The following RYR2 variants were observed in gnomAD, a reference collection of about 807,000 sequenced individuals.
The protein encoded by RYR2 is ryanodine receptor 2, also known as cardiac muscle ryanodine receptor-calcium release channel.
In RYR2, 227 loss-of-function variants were observed where a neutral mutation model predicts 601.1. That is an observed-to-expected ratio of 0.38 (90% confidence interval 0.34 to 0.42). The LOEUF (loss-of-function observed/expected upper bound fraction) is 0.42. RYR2 is among the 10% of genes least tolerant of loss of function. The probability of loss-of-function intolerance (pLI) is 1.00; values close to 1 mark genes in which losing one functional copy is unlikely to be tolerated. For synonymous variants in RYR2, 2,223 were observed against 2,175.1 expected (o/e 1.02, Z -0.61); for missense variants, 4,646 against 6,156.5 (o/e 0.75, Z 8.21).
intron 1 of RYR2, among the ~76,000 whole-genome samples, chr1:237,140,230 G>T (rs545561699): frequency 6.6e-6 from 1 of 152,236 alleles, no homozygotes; most frequent in South Asian, 2.1e-4. Flanking sequence ...TTGAATATCT[G>T]TTTATCAGCT....
At chr1:237,555,067 A>G (rs1670753313) in intron 27 of RYR2, 1 of 152,078 alleles carries the variant, frequency 6.6e-6, no homozygotes, top group African/African-American at 2.4e-5. Flanking sequence ...AAAGCATGGC[A>G]TTATTGAGTA....
intron 1 of RYR2, among the ~76,000 whole-genome samples, chr1:237,151,996 C>T (rs964768477): frequency 1.3e-5 from 2 of 152,034 alleles, no homozygotes; most frequent in Admixed American, 6.6e-5. Context: ...TGCCCTGATG[C>T]TCTCTCTCCT....
chr1:237,065,146 G>A lies in RYR2; in HGVS notation c.48+22577G>A, dbSNP rs546730781. Among the ~76,000 whole-genome samples, 5 of 152,014 alleles carry A rather than the reference G, an allele frequency of 3.3e-5. No homozygotes were observed. In the South Asian group the frequency reaches 1.0e-3, roughly 32 times the overall value. On this transcript the variant is annotated intron_variant, in intron 1 of 104. Coordinates refer to ENST00000366574, the MANE Select transcript of RYR2 (RefSeq NM_001035.3). ...TATAGTACAATATTAAAAGCAGAAA[G>A]TTAGCATTGCTATAAAGCGTGTATA...
chr1:237,284,837 G>C (rs1337777236), intron 2 of RYR2, among the ~76,000 whole-genome samples: 1 of 151,834 alleles, frequency 6.6e-6, no homozygotes, highest in Non-Finnish European at 1.5e-5. Flanking sequence ...CTTGGTTGCT[G>C]TTGGTGTATA....
intron 2 of RYR2, among the ~76,000 whole-genome samples, chr1:237,293,660 A>T (rs1003327370): frequency 3.3e-5 from 5 of 152,206 alleles, no homozygotes; most frequent in African/African-American, 4.8e-5. Flanking sequence ...CCTATTTATT[A>T]TAAAGGATAG....
At position 237,784,687 on chromosome 1, in the gene RYR2, C is replaced by G. The variant is rs1323310654; in HGVS notation, c.12975C>G (p.Ile4325Met). 2 of 1,611,054 alleles carry G rather than the reference C, an allele frequency of 1.2e-6. No individual in the cohort carries two copies. The highest frequency in any genetic ancestry group is 2.2e-5 in the South Asian group (2 of 90,960). The change falls in exon 90 of 105, where the codon ATC (isoleucine) becomes ATG (methionine). Residue 4325 changes from isoleucine to methionine, a missense_variant. Ile to Met is a conservative substitution (Grantham distance 10). This residue lies in a region of RYR2 where 364 missense variants were observed against 442.9 expected (regional missense o/e 0.82). Coordinates refer to ENST00000366574, the MANE Select transcript of RYR2 (RefSeq NM_001035.3). The surrounding 1 kb of genome is among the most constrained non-coding windows in gnomAD (Gnocchi z 7.1). ...GGSLVEGAKK[I>M]KVAELLANMP... Reference sequence around the variant, plus strand: ...GCCTCGTCGAAGGTGCTAAAAAGATCAAAGTTGCAGAACTGTTAGCCAACA... The same window carrying G: ...GCCTCGTCGAAGGTGCTAAAAAGATGAAAGTTGCAGAACTGTTAGCCAACA...
intron 8 of RYR2, among the ~76,000 whole-genome samples, chr1:237,386,670 T>A (rs1701978857): frequency 6.6e-6 from 1 of 152,246 alleles, no homozygotes; most frequent in Admixed American, 6.5e-5. Context: ...AAGTATGTTT[T>A]ATTTTAATGT....
At chr1:237,530,107 C>T (rs570042122) in intron 24 of RYR2, among the ~76,000 whole-genome samples, 8 of 151,998 alleles carry the variant, frequency 5.3e-5, no homozygotes, top group South Asian at 4.2e-4. Flanking sequence ...GTCAGGAGAT[C>T]GAGACCATCC....
In RYR2 at chr1:237,786,156, T is replaced by C. The variant is rs2275690; in HGVS notation, c.13328+120T>C. 0.057 allele frequency: 38,217 copies of C among 676,066 alleles called. 1,305 individuals are homozygous for C. Among genetic ancestry groups the C allele is most frequent in the Non-Finnish European group, 0.068 (26,791 of 392,904 alleles). 41.9% of individuals were successfully genotyped at this position (676,066 alleles called of 1,614,324 possible). A position where few individuals can be genotyped will look rare whatever the true frequency, so the allele number is the denominator to read the frequency against. On this transcript the variant is annotated intron_variant, in intron 91 of 104. Coordinates refer to ENST00000366574, the MANE Select transcript of RYR2 (RefSeq NM_001035.3). ...TCATATTGTCAAGGAGCCACAGAACTAATTGTGCCATCTCCGTGGAGAGGC... is the reference window on the plus strand; with the variant it reads ...TCATATTGTCAAGGAGCCACAGAACCAATTGTGCCATCTCCGTGGAGAGGC...
At chr1:237,770,758 G>T in intron 84 of RYR2, 49 bp from the exon 85 acceptor site, 1 of 1,196,404 alleles carries the variant, frequency 8.4e-7, no homozygotes, top group South Asian at 1.3e-5. Context: ...GAAAGGGAGC[G>T]GCAGGCTGGG....
intron 50 of RYR2, among the ~76,000 whole-genome samples, 153 bp from the exon 51 acceptor site, chr1:237,651,258 A>C (rs994539943): frequency 2.0e-5 from 3 of 152,218 alleles, no homozygotes; most frequent in African/African-American, 7.2e-5. Context: ...AAAGTAACTA[A>C]GTGGTTAATC....
chr1:237,619,879 G>A (rs1277093910), intron 38 of RYR2, among the ~76,000 whole-genome samples: 1 of 152,046 alleles, frequency 6.6e-6, no homozygotes, highest in East Asian at 1.9e-4. Context: ...GGAACGAAGG[G>A]GAAATCAAGA....
At chr1:237,709,809 A>G (rs1375147359) in intron 70 of RYR2, among the ~76,000 whole-genome samples, 2 of 152,222 alleles carry the variant, frequency 1.3e-5, no homozygotes, top group East Asian at 3.8e-4. Flanking sequence ...GACATTGCAT[A>G]AAGATGTACT....
intron 10 of RYR2, among the ~76,000 whole-genome samples, chr1:237,390,578 A>G (rs545976648): frequency 1.3e-5 from 2 of 152,086 alleles, no homozygotes; most frequent in African/African-American, 4.8e-5. Flanking sequence ...TATGATTGAA[A>G]AGTTTGAGGG....
At chr1:237,611,132 G>T (rs1437337673) in intron 36 of RYR2, 144 bp downstream of exon 36, 3 of 651,322 alleles carry the variant, frequency 4.6e-6, no homozygotes, top group East Asian at 5.5e-5. Context: ...TTAGGCAATG[G>T]AGTCATTATT....
At chr1:237,228,543 C>A (rs1265240300) in intron 1 of RYR2, among the ~76,000 whole-genome samples, 1 of 152,168 alleles carries the variant, frequency 6.6e-6, no homozygotes, top group East Asian at 1.9e-4. Flanking sequence ...TAGGTCCTTT[C>A]CCTTAAGGTC....
rs1659497959 is a variant in RYR2 at position 237,798,157 on chromosome 1, T to G, written c.14077T>G (p.Ser4693Ala). 6.2e-7 allele frequency: 1 copy of G among 1,612,562 alleles called. No homozygotes were observed. Among genetic ancestry groups the G allele is most frequent in the African/African-American group, 1.3e-5 (1 of 74,918 alleles). The change falls in exon 97 of 105, where the codon TCC (serine) becomes GCC (alanine). Residue 4693 changes from serine (S) to alanine (A), a missense_variant. By Grantham distance (99) the Ser-to-Ala change is moderately conservative. Transcript: ENST00000366574. ...AAAGAAGAAGCCAAAGAAAGACAGCTCCTTATCAGCTGTGTAAGTGTTACT... is the reference window on the plus strand; with the variant it reads ...AAAGAAGAAGCCAAAGAAAGACAGCGCCTTATCAGCTGTGTAAGTGTTACT... ...REKKKPKKDSSLSAVLNSIDV... is the reference protein window; with the variant it reads ...REKKKPKKDSALSAVLNSIDV...
chr1:237,059,240 A>G (rs2148222946), intron 1 of RYR2, among the ~76,000 whole-genome samples: 1 of 152,260 alleles, frequency 6.6e-6, no homozygotes, highest in Middle Eastern at 3.4e-3. Flanking sequence ...GGGATACAGA[A>G]ATGGACTTTA....
intron 24 of RYR2, among the ~76,000 whole-genome samples, chr1:237,529,453 T>TA (rs1266273420): frequency 2.0e-5 from 3 of 152,268 alleles, no homozygotes; most frequent in Admixed American, 2.0e-4. Context: ...AGCTTATACA[T>TA]ATAGATACTT....
Sources: gnomAD v4.1 joint callset for allele counts (sites outside exome capture counted in the v4.1 genomes callset) on GRCh38, gnomAD v4.1.1 for gene constraint, gnomAD v4.1.1 regional missense constraint, Gnocchi (gnomAD v3.1) non-coding constraint, MANE v1.5 for transcripts, NCBI Gene and HGNC (gene_info 2026-07-23, HGNC 2026-07-21) for gene names.